Variants in KCNN1 observed in about 807,000 individuals in gnomAD.
The protein encoded by KCNN1 is small conductance calcium-activated potassium channel protein 1.
KCNN1 carries 20 observed loss-of-function variants against 44.7 expected under a neutral mutation model. That is an observed-to-expected ratio of 0.45 (90% CI 0.32 to 0.65). The LOEUF is 0.65. KCNN1 is among the 30% of genes least tolerant of loss of function. KCNN1 has a pLI of 0.05. For synonymous variants in KCNN1, 324 were observed against 341.7 expected (o/e 0.95, Z 0.57); for missense variants, 632 against 785.3 (o/e 0.80, Z 2.33).
chr19:17,961,114 A>C (rs954099662), intron 2 of KCNN1, among the ~76,000 whole-genome samples: 1 of 143,190 alleles, frequency 7.0e-6, no homozygotes, highest in African/African-American at 2.6e-5. Context: ...TGAACCCAGG[A>C]GGCGGAGGTT....
rs1366849184 is a variant in KCNN1 at position 17,993,387 on chromosome 19, T to A, written c.1308-103T>A. Reference sequence around the variant, plus strand: ...AACTCCCACCTCATCCTCTGATGCATGTCCCATAGGTGACCCCGGGTGGGT... The same window carrying A: ...AACTCCCACCTCATCCTCTGATGCAAGTCCCATAGGTGACCCCGGGTGGGT... On this transcript the variant is annotated intron_variant, in intron 8 of 9. Coordinates refer to ENST00000684775, the MANE Select transcript of KCNN1 (RefSeq NM_001386974.1). The surrounding 1 kb of genome is among the most constrained non-coding windows in gnomAD (Gnocchi z 4.5). 1 of 819,542 alleles carries A rather than the reference T, an allele frequency of 1.2e-6. No individual in the cohort carries two copies. The highest frequency in any genetic ancestry group is 2.1e-6 in the Non-Finnish European group (1 of 485,312). 50.8% of individuals were successfully genotyped at this position (819,542 alleles called of 1,614,324 possible).
chr19:17,965,275 A>AC (rs2031771753), upstream of KCNN1, among the ~76,000 whole-genome samples: 1 of 148,136 alleles, frequency 6.8e-6, no homozygotes, highest in Non-Finnish European at 1.5e-5. Flanking sequence ...CTCTGTCTCA[A>AC]AAAAAAAAAA....
chr19:17,988,268 T>C (rs1237339474), intron 5 of KCNN1, 147 bp from the exon 6 acceptor site: 1 of 614,742 alleles, frequency 1.6e-6, no homozygotes, highest in East Asian at 2.9e-5. Flanking sequence ...AGGAAACGAG[T>C]AGACCTGAAG....
chr19:17,990,282 C>A (rs1429305734), intron 7 of KCNN1, among the ~76,000 whole-genome samples: 1 of 148,734 alleles, frequency 6.7e-6, no homozygotes, highest in Non-Finnish European at 1.5e-5. Flanking sequence ...TCCAGGAGTT[C>A]AACACCATCC....
chr19:17,956,917 G>C (rs867433015), intron 2 of KCNN1, among the ~76,000 whole-genome samples: 2 of 151,672 alleles, frequency 1.3e-5, no homozygotes, highest in Admixed American at 6.6e-5. Flanking sequence ...GTGATGTCGG[G>C]AGTGCCTGTA....
At position 17,993,655 on chromosome 19, in the gene KCNN1, C is replaced by T. The variant is rs1181150828; in HGVS notation, c.1377+96C>T. 1.0e-6 allele frequency: 1 copy of T among 999,564 alleles called. No homozygotes were observed. Among genetic ancestry groups the T allele is most frequent in the Non-Finnish European group, 1.6e-6 (1 of 631,036 alleles). The allele number at this position is 999,564 out of a possible 1,614,324, so 61.9% of individuals were successfully genotyped here. A position where few individuals can be genotyped will look rare whatever the true frequency, so the allele number is the denominator to read the frequency against. On this transcript the variant is annotated intron_variant, in intron 9 of 9. Coordinates refer to ENST00000684775, the MANE Select transcript of KCNN1 (RefSeq NM_001386974.1). The surrounding 1 kb of genome is among the most constrained non-coding windows in gnomAD (Gnocchi z 4.5). ...CTCCTGCCGGAGGAGGGCACAAGGA[C>T]CCGCTGTGGGCTGAGTGCAGTGGCG...
chr19:17,993,138 G>T lies in KCNN1; in HGVS notation c.1307+76G>T. On this transcript the variant is annotated intron_variant, in intron 8 of 9. Coordinates refer to ENST00000684775, the MANE Select transcript of KCNN1 (RefSeq NM_001386974.1). This position sits in a 1 kb window ranked among gnomAD's most constrained non-coding sequence, Gnocchi z 4.5. Reference sequence around the variant, plus strand: ...GTGGTCACAGACAGGGGGTACACCCGGGGCATGCCAACCCCAGCCTCAGAG... The same window carrying T: ...GTGGTCACAGACAGGGGGTACACCCTGGGCATGCCAACCCCAGCCTCAGAG... 1 of 1,565,920 alleles carries T rather than the reference G, an allele frequency of 6.4e-7. No homozygotes were observed. Among genetic ancestry groups the T allele is most frequent in the East Asian group, 2.3e-5 (1 of 44,438 alleles).
At position 17,999,757 on chromosome 19, in the gene KCNN1, G is replaced by T; in HGVS notation, c.*1351G>T. 1 of 340,012 alleles carries T rather than the reference G, an allele frequency of 2.9e-6. No individual in the cohort carries two copies. The highest frequency in any genetic ancestry group is 5.9e-6 in the Non-Finnish European group (1 of 169,186). 21.1% of individuals were successfully genotyped at this position (340,012 alleles called of 1,614,324 possible). Reference sequence around the variant, plus strand: ...CTGGCTCCTGGGGAGACGACGCTGTGCATAGCCGAGGAGCCCCAGGTCCTG... The same window carrying T: ...CTGGCTCCTGGGGAGACGACGCTGTTCATAGCCGAGGAGCCCCAGGTCCTG... On this transcript the variant is annotated 3_prime_UTR_variant, in exon 10 of 10. Transcript: ENST00000684775.
rs566210444 is a variant in KCNN1 at position 17,993,447 on chromosome 19, G to A, written c.1308-43G>A. On this transcript the variant is annotated intron_variant, in intron 8 of 9. Coordinates refer to ENST00000684775, the MANE Select transcript of KCNN1 (RefSeq NM_001386974.1). The surrounding 1 kb of genome is among the most constrained non-coding windows in gnomAD (Gnocchi z 4.5). ...TCCCTGCCCCCACTGCAGCCTCCAC[G>A]GGAACCTGCCTAACCCCCTCCCCCA... 1.1e-5 allele frequency: 16 copies of A among 1,485,182 alleles called. No homozygotes were observed. The highest frequency in any genetic ancestry group is 9.2e-5 in the East Asian group (4 of 43,618). 92.0% of individuals were successfully genotyped at this position (1,485,182 alleles called of 1,614,324 possible). A position where few individuals can be genotyped will look rare whatever the true frequency, so the allele number is the denominator to read the frequency against.
intron 2 of KCNN1, among the ~76,000 whole-genome samples, chr19:17,961,604 C>T (rs556330054): frequency 9.2e-5 from 10 of 108,256 alleles, no homozygotes; most frequent in Non-Finnish European, 1.3e-4. Flanking sequence ...TTTTTTGAGA[C>T]GGAGTCTTGC....
Position 17,973,810 on chromosome 19 carries a change from C to A in KCNN1, c.-79C>A. On this transcript the variant is annotated splice_region_variant and 5_prime_UTR_variant, in exon 2 of 10. Transcript: ENST00000684775. ...CATGTCCCTCTGTGCCCTTGCAGGT[C>A]AGTGCAGGAGCCCAGCCGCTGAGCC... is the stretch of plus-strand genomic sequence containing the variant. The A allele has an allele frequency of 6.6e-7, 1 of 1,512,910 alleles. No individual in the cohort carries two copies. Among genetic ancestry groups the A allele is most frequent in the Non-Finnish European group, 8.8e-7 (1 of 1,137,052 alleles). 93.7% of individuals were successfully genotyped at this position (1,512,910 alleles called of 1,614,324 possible).
At chr19:17,953,025 G>C (rs1186732881) in intron 1 of KCNN1, among the ~76,000 whole-genome samples, 1 of 152,118 alleles carries the variant, frequency 6.6e-6, no homozygotes, top group Non-Finnish European at 1.5e-5. Context: ...CCCTGAGCGT[G>C]GGTTGCCAGG....
intron 4 of KCNN1, among the ~76,000 whole-genome samples, chr19:17,984,035 C>T (rs2032512815): frequency 2.0e-5 from 3 of 151,668 alleles, no homozygotes; most frequent in Admixed American, 6.6e-5. Context: ...TGGTGGCGGG[C>T]GCGTGTAGTC....
At chr19:17,966,254 A>C (rs1051777014), upstream of KCNN1, among the ~76,000 whole-genome samples, 12 of 152,162 alleles carry the variant, frequency 7.9e-5, no homozygotes, top group African/African-American at 2.9e-4. Context: ...GGAAGCCCCC[A>C]GGCTGGTGGG....
intron 7 of KCNN1, among the ~76,000 whole-genome samples, chr19:17,992,501 T>G (rs1428191443): frequency 2.0e-5 from 3 of 152,342 alleles, no homozygotes; most frequent in Middle Eastern, 3.4e-3. Context: ...CTCAGAAGGC[T>G]GAGCCAGGAG....
rs780784426 is a variant in KCNN1 at position 17,974,155 on chromosome 19, G to A, written c.267G>A (p.Val89=). The A allele has an allele frequency of 6.2e-7, 1 of 1,613,572 alleles. No individual in the cohort carries two copies. Among genetic ancestry groups the A allele is most frequent in the Admixed American group, 1.7e-5 (1 of 60,026 alleles). ...GAGCCTCGGGGAAACCCTCAAATGT[G>A]GGCCACCGCCTGGGCCACCGGCGGG... is the stretch of plus-strand genomic sequence containing the variant. The part of the protein sequence containing the change: ...RQRASGKPSN[V]GHRLGHRRAL... Residue 89 remains valine, a synonymous_variant, in exon 2 of 10, where the codon GTG becomes GTA. Coordinates refer to ENST00000684775, the MANE Select transcript of KCNN1 (RefSeq NM_001386974.1). This position sits in a 1 kb window ranked among gnomAD's most constrained non-coding sequence, Gnocchi z 7.3.
At chr19:17,976,930 G>A (rs947802934) in intron 3 of KCNN1, among the ~76,000 whole-genome samples, 2 of 151,750 alleles carry the variant, frequency 1.3e-5, no homozygotes, top group African/African-American at 4.8e-5. Flanking sequence ...TGGCCAGGCT[G>A]GTCTCGAACT....
At chr19:17,972,642 G>T (rs1362204806) in intron 1 of KCNN1, among the ~76,000 whole-genome samples, 3 of 152,146 alleles carry the variant, frequency 2.0e-5, no homozygotes, top group Non-Finnish European at 1.5e-5. Flanking sequence ...GGAGCCTCAG[G>T]ATCTCTGTAG....
rs1599387650 is a variant in KCNN1, at chr19:17,998,668, A to C, written c.*262A>C. ...CCGGTGGGCATGGAGCAGCCCGGGG[A>C]GGGGTCCGTGCTGGTTCTGAATAAA... is the stretch of plus-strand genomic sequence containing the variant. On this transcript the variant is annotated 3_prime_UTR_variant, in exon 10 of 10. Transcript: ENST00000684775. The surrounding 1 kb of genome is among the most constrained non-coding windows in gnomAD (Gnocchi z 5.4). The C allele has an allele frequency of 2.3e-6, 1 of 429,664 alleles. No homozygotes were observed. The highest frequency in any genetic ancestry group is 4.0e-5 in the Admixed American group (1 of 25,170). The allele number at this position is 429,664 out of a possible 1,614,324, so 26.6% of individuals were successfully genotyped here. A position where few individuals can be genotyped will look rare whatever the true frequency, so the allele number is the denominator to read the frequency against.
Sources: allele counts gnomAD v4.1 joint callset (sites outside exome capture counted in the v4.1 genomes callset), GRCh38; gene constraint gnomAD v4.1.1; non-coding constraint Gnocchi (gnomAD v3.1); transcripts MANE v1.5; gene names NCBI Gene and HGNC (gene_info 2026-07-23, HGNC 2026-07-21).